Variants in C3orf38 observed in about 807,000 individuals in gnomAD.
C3orf38 encodes the protein chromosome 3 open reading frame 38.
C3orf38 carries 18 observed loss-of-function variants against 28.3 expected under a neutral mutation model. That is an observed-to-expected ratio of 0.64 (90% CI 0.44 to 0.94). The LOEUF (loss-of-function observed/expected upper bound fraction) is 0.94, where lower values mean the gene tolerates loss of function less well. C3orf38 is among the 40% of genes least tolerant of loss of function. The pLI is 0.00. For missense variants in C3orf38, 364 were observed against 396.4 expected (o/e 0.92, Z 0.69); for synonymous variants, 145 against 138.1 (o/e 1.05, Z -0.35).
intron 1 of C3orf38, among the ~76,000 whole-genome samples, chr3:88,152,310 T>C (rs1393185766): frequency 6.6e-6 from 1 of 151,982 alleles, no homozygotes; most frequent in Non-Finnish European, 1.5e-5. Context: ...CTTGGGAGAC[T>C]GAGGGAGGAG....
At position 88,154,777 on chromosome 3, in the gene C3orf38, A is replaced by T. The variant is rs551935170; in HGVS notation, c.376-1244A>T. 2.6e-5 allele frequency among the ~76,000 whole-genome samples: 4 copies of T among 152,268 alleles called. No individual in the cohort carries two copies. The South Asian group carries it at 8.3e-4, about 32-fold the overall frequency. On this transcript the variant is annotated intron_variant, in intron 2 of 2. Transcript: ENST00000318887. ...ATAGCAGGTGCTCAGTAAACCTAAG[A>T]TCTCATACATCTCAGTAAAGTACTG...
intron 2 of C3orf38, among the ~76,000 whole-genome samples, chr3:88,154,482 C>G (rs540800475): frequency 2.0e-5 from 3 of 152,012 alleles, no homozygotes; most frequent in African/African-American, 7.2e-5. Context: ...AGATACTGCA[C>G]AAATATTTAA....
At chr3:88,155,545 A>C (rs1326044302) in intron 2 of C3orf38, among the ~76,000 whole-genome samples, 1 of 147,290 alleles carries the variant, frequency 6.8e-6, no homozygotes, top group Admixed American at 6.9e-5. Context: ...TGCAACCTCC[A>C]CCTCCCAAGT....
At position 88,157,894 on chromosome 3, in the gene C3orf38, C is replaced by A. The variant is rs550174500; in HGVS notation, c.*1259C>A. Reference sequence around the variant, plus strand: ...TGTTTTTTTAATGCTATGCCTCTTACGAGGAATACGAATTGGTATGTCCTA... The same window carrying A: ...TGTTTTTTTAATGCTATGCCTCTTAAGAGGAATACGAATTGGTATGTCCTA... On this transcript the variant is annotated 3_prime_UTR_variant, in exon 3 of 3. Transcript: ENST00000318887. 3.3e-5 allele frequency: 5 copies of A among 151,716 alleles called. No individual in the cohort carries two copies. The highest frequency in any genetic ancestry group is 1.2e-4 in the African/African-American group (5 of 41,296). The allele number at this position is 151,716 out of a possible 1,614,324, so 9.4% of individuals were successfully genotyped here.
chr3:88,155,461 A>ATTT (rs766206253), intron 2 of C3orf38, among the ~76,000 whole-genome samples: 2 of 48,836 alleles, frequency 4.1e-5, no homozygotes, highest in African/African-American at 4.8e-5. Flanking sequence ...GTTCATACTG[A>ATTT]TTTTTTTTTT....
intron 1 of C3orf38, among the ~76,000 whole-genome samples, chr3:88,152,706 G>C (rs1440829750): frequency 1.4e-5 from 2 of 145,058 alleles, no homozygotes; most frequent in Non-Finnish European, 3.0e-5. Flanking sequence ...AGTAATCCCA[G>C]ATCGCACCCC....
At position 88,157,450 on chromosome 3, in the gene C3orf38, T is replaced by C. The variant is rs1191298139; in HGVS notation, c.*815T>C. On this transcript the variant is annotated 3_prime_UTR_variant, in exon 3 of 3. Transcript: ENST00000318887. ...ATATGCTGTTGAAATTTTAAAGGTATGCCCAGTTCCTAACTTTTAAACGAA... is the reference window on the plus strand; with the variant it reads ...ATATGCTGTTGAAATTTTAAAGGTACGCCCAGTTCCTAACTTTTAAACGAA... The C allele has an allele frequency of 6.6e-6, 1 of 152,204 alleles. No homozygotes were observed. The highest frequency in any genetic ancestry group is 1.5e-5 in the Non-Finnish European group (1 of 68,032). The allele number at this position is 152,204 out of a possible 1,614,324, so 9.4% of individuals were successfully genotyped here. A position where few individuals can be genotyped will look rare whatever the true frequency, so the allele number is the denominator to read the frequency against.
At position 88,150,166 on chromosome 3, in the gene C3orf38, G is replaced by A. The variant is rs573466324; in HGVS notation, c.114G>A (p.Val38=). The A allele has an allele frequency of 6.2e-7, 1 of 1,614,068 alleles. No individual in the cohort carries two copies. Among genetic ancestry groups the A allele is most frequent in the Non-Finnish European group, 8.5e-7 (1 of 1,180,002 alleles). Residue 38 remains valine (V), a synonymous_variant, in exon 1 of 3, where the codon GTG becomes GTA. Transcript: ENST00000318887. The part of the protein sequence containing the change: ...ALCDTVTNRL[V]QPQDRQDAVH... ...GCGACACTGTCACCAACCGCCTGGT[G>A]CAGCCTCAGGACCGCCAAGGTAAGG...
intron 1 of C3orf38, 97 bp downstream of exon 1, chr3:88,150,282 G>A: frequency 6.3e-6 from 9 of 1,428,294 alleles, no homozygotes; most frequent in Non-Finnish European, 7.6e-6. Flanking sequence ...GGCCGCAGCC[G>A]CAGATCCACA....
intron 2 of C3orf38, among the ~76,000 whole-genome samples, chr3:88,154,906 T>G (rs1707459530): frequency 6.6e-6 from 1 of 151,936 alleles, no homozygotes; most frequent in Admixed American, 6.6e-5. Context: ...TCACCCAGGC[T>G]GGAGTACAGT....
chr3:88,156,660 A>AC lies in C3orf38; in HGVS notation c.*25_*26insC. ...AGGTAGTGGAAATGAGACATTGCTG[A>AC]ACAAAAGAGAACTGGGTTTACCTGA... On this transcript the variant is annotated 3_prime_UTR_variant, in exon 3 of 3. Coordinates refer to ENST00000318887, the MANE Select transcript of C3orf38 (RefSeq NM_173824.4). 6.3e-7 allele frequency: 1 copy of AC among 1,591,706 alleles called. No homozygotes were observed. The highest frequency in any genetic ancestry group is 8.5e-7 in the Non-Finnish European group (1 of 1,170,558).
chr3:88,151,704 C>A (rs1707416362), intron 1 of C3orf38, among the ~76,000 whole-genome samples: 1 of 152,104 alleles, frequency 6.6e-6, no homozygotes, highest in South Asian at 2.1e-4. Context: ...TAGTTGGATA[C>A]CTTGTGTGCA....
chr3:88,150,091 C>T lies in C3orf38; in HGVS notation c.39C>T (p.Gly13=). 1 of 1,614,186 alleles carries T rather than the reference C, an allele frequency of 6.2e-7. No individual in the cohort carries two copies. The highest frequency in any genetic ancestry group is 8.5e-7 in the Non-Finnish European group (1 of 1,180,016). Residue 13 remains glycine (G), a synonymous_variant, in exon 1 of 3, where the codon GGC becomes GGT. Coordinates refer to ENST00000318887, the MANE Select transcript of C3orf38 (RefSeq NM_173824.4). ...MSGLSFSEME[G]CRNLLGLLDN... is the part of the protein sequence containing the mutation. ...GACTCAGCTTTTCAGAGATGGAGGGCTGCCGTAACCTACTTGGCCTACTGG... is the reference window on the plus strand; with the variant it reads ...GACTCAGCTTTTCAGAGATGGAGGGTTGCCGTAACCTACTTGGCCTACTGG...
At position 88,150,033 on chromosome 3, in the gene C3orf38, T is replaced by TA. The variant is rs763525567; in HGVS notation, c.-20_-19insA. On this transcript the variant is annotated 5_prime_UTR_variant, in exon 1 of 3. Transcript: ENST00000318887. The stretch of plus-strand genomic sequence containing the variant: ...TAGGGGCGACATTGTTGCCGTTGTC[T>TA]TTCCCCCCCAGTCCCGGGGATGGAG... 6.6e-7 allele frequency: 1 copy of TA among 1,524,104 alleles called. No individual in the cohort carries two copies. The highest frequency in any genetic ancestry group is 8.8e-7 in the Non-Finnish European group (1 of 1,130,636). The allele number at this position is 1,524,104 out of a possible 1,614,324, so 94.4% of individuals were successfully genotyped here.
intron 2 of C3orf38, 146 bp from the exon 3 acceptor site, chr3:88,155,875 A>G (rs1344664255): frequency 1.5e-5 from 8 of 529,474 alleles, no homozygotes; most frequent in South Asian, 9.4e-5. Context: ...GATTTTTACT[A>G]TGCATAATGG....
Position 88,150,146 on chromosome 3 carries a change from A to G in C3orf38, c.94A>G (p.Thr32Ala), listed in dbSNP as rs1402835105. The G allele has an allele frequency of 6.2e-7, 1 of 1,614,076 alleles. No homozygotes were observed. The highest frequency in any genetic ancestry group is 8.5e-7 in the Non-Finnish European group (1 of 1,180,010). ...CGACGAGATCATGGCCCTATGCGAC[A>G]CTGTCACCAACCGCCTGGTGCAGCC... ...DNDEIMALCD[T>A]VTNRLVQPQD... is the part of the protein sequence containing the mutation. The change falls in exon 1 of 3, where the codon ACT (threonine) becomes GCT (alanine). Residue 32 changes from threonine to alanine, a missense_variant. Coordinates refer to ENST00000318887, the MANE Select transcript of C3orf38 (RefSeq NM_173824.4).
At chr3:88,152,220 A>G (rs1707423223) in intron 1 of C3orf38, among the ~76,000 whole-genome samples, 2 of 151,600 alleles carry the variant, frequency 1.3e-5, no homozygotes, top group South Asian at 4.2e-4. Context: ...GTTCAAGACC[A>G]GCCTGGCCAA....
At chr3:88,154,598 G>C (rs1707456115) in intron 2 of C3orf38, among the ~76,000 whole-genome samples, 1 of 152,184 alleles carries the variant, frequency 6.6e-6, no homozygotes, top group South Asian at 2.1e-4. Context: ...CTTCACACTA[G>C]GAAAGAATCT....
At position 88,157,468 on chromosome 3, in the gene C3orf38, T is replaced by C. The variant is rs1489222002; in HGVS notation, c.*833T>C. 1 of 152,192 alleles carries C rather than the reference T, an allele frequency of 6.6e-6. No homozygotes were observed. The highest frequency in any genetic ancestry group is 1.5e-5 in the Non-Finnish European group (1 of 68,028). The allele number at this position is 152,192 out of a possible 1,614,324, so 9.4% of individuals were successfully genotyped here. ...AAAGGTATGCCCAGTTCCTAACTTT[T>C]AAACGAATTACCGTTCTTCCTCTTG... On this transcript the variant is annotated 3_prime_UTR_variant, in exon 3 of 3. Transcript: ENST00000318887.
Sources: gnomAD v4.1 joint callset for allele counts (sites outside exome capture counted in the v4.1 genomes callset) on GRCh38, gnomAD v4.1.1 for gene constraint, MANE v1.5 for transcripts, NCBI Gene and HGNC (gene_info 2026-07-23, HGNC 2026-07-21) for gene names.